The following SLC37A2 variants were observed in gnomAD, a reference collection of about 807,000 sequenced individuals.
The protein encoded by SLC37A2 is solute carrier family 37 member 2.
A neutral mutation model predicts 70.7 loss-of-function variants in SLC37A2; 59 were observed. That is an observed-to-expected ratio of 0.83 (90% CI 0.68 to 1.04). The LOEUF is 1.04. Among genes scored for constraint, SLC37A2 ranks in the 50% least tolerant of loss-of-function variants. The probability of loss-of-function intolerance (pLI) is 0.00; values close to 1 mark genes in which losing one functional copy is unlikely to be tolerated. For synonymous variants in SLC37A2, 257 were observed against 262.1 expected (o/e 0.98, Z 0.19); for missense variants, 580 against 658.1 (o/e 0.88, Z 1.30).
intron 17 of SLC37A2, chr11:125,087,859 C>T (rs1287336063): frequency 1.9e-5 from 7 of 365,194 alleles, no homozygotes; most frequent in East Asian, 5.3e-5. Context: ...CTTGAACTCC[C>T]AACCTCAGGT....
chr11:125,080,469 C>T lies in SLC37A2; in HGVS notation c.528-145C>T. On this transcript the variant is annotated intron_variant, in intron 6 of 17. Transcript: ENST00000403796. This position sits in a 1 kb window ranked among gnomAD's most constrained non-coding sequence, Gnocchi z 4.3. ...ACCATCCAAGGTCTCCCACTCCTTG[C>T]TGACTTGGGGCTTTGGGGCTGTCTT... is the stretch of plus-strand genomic sequence containing the variant. 1.5e-6 allele frequency: 1 copy of T among 682,376 alleles called. No individual in the cohort carries two copies. The highest frequency in any genetic ancestry group is 2.1e-6 in the Non-Finnish European group (1 of 466,120). The allele number at this position is 682,376 out of a possible 1,614,324, so 42.3% of individuals were successfully genotyped here.
At position 125,071,978 on chromosome 11, in the gene SLC37A2, C is replaced by A. The variant is rs190086426; in HGVS notation, c.60-4779C>A. 1.4e-4 allele frequency among the ~76,000 whole-genome samples: 21 copies of A among 152,250 alleles called. No homozygotes were observed. In the East Asian group the frequency reaches 3.9e-3, roughly 28 times the overall value. ...GAGAAGAGACTACTGAATCCATTTT[C>A]TCTGGACAAGTGCCAAAGTCACCTG... On this transcript the variant is annotated intron_variant, in intron 1 of 17. Coordinates refer to ENST00000403796, the MANE Select transcript of SLC37A2 (RefSeq NM_001145290.2).
chr11:125,064,331 A>G (rs1948961711), intron 1 of SLC37A2, among the ~76,000 whole-genome samples: 1 of 151,962 alleles, frequency 6.6e-6, no homozygotes, highest in Admixed American at 6.6e-5. Flanking sequence ...CCACCCCTCC[A>G]TTCCCCCCTC....
Position 125,086,003 on chromosome 11 carries a change from T to C in SLC37A2, c.1475T>C (p.Leu492Pro), listed in dbSNP as rs780854136. 3.1e-6 allele frequency: 5 copies of C among 1,614,164 alleles called. No individual in the cohort carries two copies. In the Admixed American group the frequency reaches 8.3e-5, roughly 27 times the overall value. Residue 492 changes from leucine to proline, a missense_variant, in exon 17 of 18, where the codon CTG becomes CCG. Coordinates refer to ENST00000403796, the MANE Select transcript of SLC37A2 (RefSeq NM_001145290.2). ...YKEILAWKVSLSRGSGYKEI is the reference protein window; with the variant it reads ...YKEILAWKVSPSRGSGYKEI ...GAGATCTTGGCCTGGAAGGTGTCCC[T>C]GAGCAGAGGCAGCGGGTGAGTCCGG...
intron 10 of SLC37A2, 56 bp downstream of exon 10, chr11:125,082,390 G>C (rs1227654193): frequency 2.7e-6 from 4 of 1,491,760 alleles, no homozygotes; most frequent in African/African-American, 1.4e-5. Context: ...GGCTGCCTCT[G>C]GTGGGAGAGG....
At chr11:125,065,254 T>G (rs1948969809) in intron 1 of SLC37A2, among the ~76,000 whole-genome samples, 1 of 152,218 alleles carries the variant, frequency 6.6e-6, no homozygotes, top group Admixed American at 6.5e-5. Flanking sequence ...AAGAAAATTC[T>G]TAGAAGGATT....
intron 2 of SLC37A2, 146 bp downstream of exon 2, chr11:125,076,984 A>C (rs1344971075): frequency 4.8e-6 from 4 of 828,248 alleles, no homozygotes; most frequent in African/African-American, 1.7e-5. Flanking sequence ...TTTTGAGTTT[A>C]TTCCCCAAGA....
At chr11:125,067,257 A>G (rs1376720476) in intron 1 of SLC37A2, among the ~76,000 whole-genome samples, 1 of 152,092 alleles carries the variant, frequency 6.6e-6, no homozygotes, top group African/African-American at 2.4e-5. Flanking sequence ...CTCCCAAAGC[A>G]CCAGGATTGC....
At chr11:125,079,329 GC>G in intron 5 of SLC37A2, 82 bp downstream of exon 5, 4 of 1,577,342 alleles carry the variant, frequency 2.5e-6, no homozygotes, top group Non-Finnish European at 8.7e-7. Context: ...GCGGGTGGGA[GC>G]CTGTGTTCCT....
At chr11:125,085,734 AC>A in intron 16 of SLC37A2, 60 bp downstream of exon 16, 1 of 1,566,134 alleles carries the variant, frequency 6.4e-7, no homozygotes, top group Non-Finnish European at 8.7e-7. Context: ...CCAGACTGGA[AC>A]CCTGGAGGTC....
rs759026427 is a variant in SLC37A2, at chr11:125,063,471, C to G, written c.59+45C>G. 6.3e-7 allele frequency: 1 copy of G among 1,575,326 alleles called. No homozygotes were observed. Among genetic ancestry groups the G allele is most frequent in the South Asian group, 1.1e-5 (1 of 87,100 alleles). ...GAGGCGTGCCGGGACCTCCTGGGCTCGGGGCTTGCAGGGGCCGCGGGGGGC... is the reference window on the plus strand; with the variant it reads ...GAGGCGTGCCGGGACCTCCTGGGCTGGGGGCTTGCAGGGGCCGCGGGGGGC... On this transcript the variant is annotated intron_variant, in intron 1 of 17. Transcript: ENST00000403796. The surrounding 1 kb of genome is among the most constrained non-coding windows in gnomAD (Gnocchi z 5.4).
At chr11:125,069,330 T>C (rs1410577886) in intron 1 of SLC37A2, among the ~76,000 whole-genome samples, 1 of 152,254 alleles carries the variant, frequency 6.6e-6, no homozygotes, top group Non-Finnish European at 1.5e-5. Context: ...GTCTTTCCGC[T>C]GCCTTCCTAA....
At chr11:125,064,950 A>G (rs1454303235) in intron 1 of SLC37A2, among the ~76,000 whole-genome samples, 1 of 152,244 alleles carries the variant, frequency 6.6e-6, no homozygotes, top group Non-Finnish European at 1.5e-5. Flanking sequence ...AATTTATGTT[A>G]TGTATATTTT....
intron 10 of SLC37A2, among the ~76,000 whole-genome samples, chr11:125,082,875 C>T (rs2135574440): frequency 6.6e-6 from 1 of 152,304 alleles, no homozygotes; most frequent in East Asian, 1.9e-4. Context: ...TGGACCTACT[C>T]CCGTCTGCTC....
Position 125,063,556 on chromosome 11 carries a change from C to G in SLC37A2, c.59+130C>G. 1.2e-6 allele frequency: 1 copy of G among 825,096 alleles called. No individual in the cohort carries two copies. Among genetic ancestry groups the G allele is most frequent in the Non-Finnish European group, 1.8e-6 (1 of 547,928 alleles). 51.1% of individuals were successfully genotyped at this position (825,096 alleles called of 1,614,324 possible). A position where few individuals can be genotyped will look rare whatever the true frequency, so the allele number is the denominator to read the frequency against. Reference sequence around the variant, plus strand: ...CGCGTGGCCAGGGGTGCTGGGGGGACTTGGTCCCGAGCTCCTCCAGCGGCG... The same window carrying G: ...CGCGTGGCCAGGGGTGCTGGGGGGAGTTGGTCCCGAGCTCCTCCAGCGGCG... On this transcript the variant is annotated intron_variant, in intron 1 of 17. Transcript: ENST00000403796. This position sits in a 1 kb window ranked among gnomAD's most constrained non-coding sequence, Gnocchi z 5.4.
Position 125,063,725 on chromosome 11 carries a change from C to T in SLC37A2, c.59+299C>T, listed in dbSNP as rs139904225. Among the ~76,000 whole-genome samples, 1,601 of 152,292 alleles carry T rather than the reference C, an allele frequency of 0.011. 24 individuals carry two copies. Among genetic ancestry groups the T allele is most frequent in the African/African-American group, 0.037 (1,530 of 41,572 alleles). ...TCCCGTTTCCATCCTCCCCTCCTAA[C>T]ACACATCCGGGGCGCCTTCAGAGCG... On this transcript the variant is annotated intron_variant, in intron 1 of 17. Transcript: ENST00000403796. This position sits in a 1 kb window ranked among gnomAD's most constrained non-coding sequence, Gnocchi z 5.4.
chr11:125,077,571 T>G lies in SLC37A2; in HGVS notation c.314+43T>G, dbSNP rs978381556. The G allele has an allele frequency of 3.3e-6, 5 of 1,522,442 alleles. No homozygotes were observed. In the African/African-American group the frequency reaches 6.9e-5, roughly 21 times the overall value. The allele number at this position is 1,522,442 out of a possible 1,614,324, so 94.3% of individuals were successfully genotyped here. Reference sequence around the variant, plus strand: ...GCCTATGACCAAGAGGAGGATGGTTTAGAGCTGCTACCTCCCCTTAAGGAA... The same window carrying G: ...GCCTATGACCAAGAGGAGGATGGTTGAGAGCTGCTACCTCCCCTTAAGGAA... On this transcript the variant is annotated intron_variant, in intron 4 of 17. Transcript: ENST00000403796.
In SLC37A2 at chr11:125,088,104, C is replaced by T. The variant is rs915633939; in HGVS notation, c.1491-15C>T. 24 of 1,551,824 alleles carry T rather than the reference C, an allele frequency of 1.5e-5. 1 individual carries two copies. Among genetic ancestry groups the T allele is most frequent in the African/African-American group, 1.1e-4 (8 of 73,016 alleles). On this transcript the variant is annotated splice_polypyrimidine_tract_variant and intron_variant, in intron 17 of 17. Coordinates refer to ENST00000403796, the MANE Select transcript of SLC37A2 (RefSeq NM_001145290.2). Reference sequence around the variant, plus strand: ...TCTCACTTTCTCTTCTGTCCCCCCTCTCCTCTTCATGCAGGTATAAAGAAA... The same window carrying T: ...TCTCACTTTCTCTTCTGTCCCCCCTTTCCTCTTCATGCAGGTATAAAGAAA...
Position 125,083,736 on chromosome 11 carries a change from C to A in SLC37A2, c.977-79C>A. 1 of 1,313,198 alleles carries A rather than the reference C, an allele frequency of 7.6e-7. No individual in the cohort carries two copies. The highest frequency in any genetic ancestry group is 1.1e-6 in the Non-Finnish European group (1 of 906,598). The allele number at this position is 1,313,198 out of a possible 1,614,324, so 81.3% of individuals were successfully genotyped here. A position where few individuals can be genotyped will look rare whatever the true frequency, so the allele number is the denominator to read the frequency against. ...AGGGGGCAGTGGTCTGGATCACGCTCTGCAGGGCTTCTAGCTGTGACACTC... is the reference window on the plus strand; with the variant it reads ...AGGGGGCAGTGGTCTGGATCACGCTATGCAGGGCTTCTAGCTGTGACACTC... On this transcript the variant is annotated intron_variant, in intron 10 of 17. Coordinates refer to ENST00000403796, the MANE Select transcript of SLC37A2 (RefSeq NM_001145290.2). This position sits in a 1 kb window ranked among gnomAD's most constrained non-coding sequence, Gnocchi z 4.6.
Sources: allele counts gnomAD v4.1 joint callset (sites outside exome capture counted in the v4.1 genomes callset), GRCh38; gene constraint gnomAD v4.1.1; non-coding constraint Gnocchi (gnomAD v3.1); transcripts MANE v1.5; gene names NCBI Gene and HGNC (gene_info 2026-07-23, HGNC 2026-07-21).